The following WHAMM variants were observed in gnomAD, a reference collection of about 807,000 sequenced individuals.
The protein encoded by WHAMM is WASP homolog associated with actin, golgi membranes and microtubules.
Under a neutral mutation model 76.5 loss-of-function variants are expected in WHAMM, and 67 were observed. That is an observed-to-expected ratio of 0.88 (90% CI 0.72 to 1.07). WHAMM has a LOEUF of 1.07. Ranked by LOEUF, WHAMM falls within the 50% of genes least tolerant of loss-of-function variation. The pLI is 0.00. For missense variants in WHAMM, 1,021 were observed against 1,051.1 expected, an observed-to-expected ratio of 0.97 and a Z score of 0.40; for synonymous variants, 419 against 422.1, an observed-to-expected ratio of 0.99 and a Z score of 0.09.
At chr15:82,819,202 C>T in intron 4 of WHAMM, 121 bp from the exon 5 acceptor site, 4 of 351,570 alleles carry the variant, frequency 1.1e-5, no homozygotes, top group African/African-American at 2.1e-5. Context: ...TGTTTCTTTC[C>T]TATTTGCTTT....
At position 82,810,260 on chromosome 15, in the gene WHAMM, C is replaced by G. The variant is rs1390356321; in HGVS notation, c.534C>G (p.Asp178Glu). The change falls in exon 1 of 10, where the codon GAC (aspartate) becomes GAG (glutamate). Residue 178 changes from aspartate (D) to glutamate (E), a missense_variant. By Grantham distance (45) the Asp-to-Glu change is conservative (BLOSUM62 2). This residue lies in a region of WHAMM where 501 missense variants were observed against 524.9 expected (regional missense o/e 0.95). Transcript: ENST00000286760. ...ALFPAEGGAA[D>E]CESPREFRER... is the part of the protein sequence containing the mutation. ...TCCCGGCTGAGGGCGGCGCGGCCGA[C>G]TGCGAAAGCCCGCGCGAGTTCCGGG... is the stretch of plus-strand genomic sequence containing the variant. 4 of 1,382,618 alleles carry G rather than the reference C, an allele frequency of 2.9e-6. No homozygotes were observed. The South Asian group carries it at 4.7e-5, about 16-fold the overall frequency. The allele number at this position is 1,382,618 out of a possible 1,614,324, so 85.6% of individuals were successfully genotyped here. A position where few individuals can be genotyped will look rare whatever the true frequency, so the allele number is the denominator to read the frequency against.
chr15:82,833,323 C>G lies in WHAMM; in HGVS notation c.2217C>G (p.Ile739Met). 6.2e-7 allele frequency: 1 copy of G among 1,614,014 alleles called. No homozygotes were observed. The highest frequency in any genetic ancestry group is 8.5e-7 in the Non-Finnish European group (1 of 1,179,866). Reference protein sequence around the residue: ...VPAVRPPHASINEHILAAIRQ... With the variant: ...VPAVRPPHASMNEHILAAIRQ... ...CGGTGCGCCCTCCCCACGCCTCAAT[C>G]AATGAGCACATTCTGGCTGCCATAA... is the stretch of plus-strand genomic sequence containing the variant. The change falls in exon 10 of 10, where the codon ATC becomes ATG. Residue 739 changes from isoleucine to methionine, a missense_variant. Transcript: ENST00000286760.
chr15:82,830,705 TGTCA>T lies in WHAMM; in HGVS notation c.1751_1754del (p.Ser584Ter), dbSNP rs2051012798. On this transcript the variant is annotated frameshift_variant, in exon 9 of 10. Coordinates refer to ENST00000286760, the MANE Select transcript of WHAMM (RefSeq NM_001080435.3). LOFTEE classifies it high-confidence loss of function. ...ATGTGCTTGCCAGCTTCCCACGCGG[TGTCA>T]GTAATTCACCCGTCCTCTAGGAAAA... 1 of 1,613,884 alleles carries T rather than the reference TGTCA, an allele frequency of 6.2e-7. No individual in the cohort carries two copies. Among genetic ancestry groups the T allele is most frequent in the South Asian group, 1.1e-5 (1 of 91,086 alleles).
chr15:82,816,551 G>A (rs2050729671), intron 2 of WHAMM, 141 bp from the exon 3 acceptor site: 1 of 766,424 alleles, frequency 1.3e-6, no homozygotes, highest in Non-Finnish European at 2.1e-6. Context: ...ACGCAGTAAG[G>A]GACTGCTGAA....
intron 2 of WHAMM, among the ~76,000 whole-genome samples, chr15:82,815,084 G>T (rs1216794948): frequency 7.9e-6 from 1 of 126,192 alleles, no homozygotes; most frequent in Non-Finnish European, 1.6e-5. Flanking sequence ...TTTCATAAAA[G>T]GTGTTTTAAG....
At chr15:82,831,976 G>T (rs1200311158) in intron 9 of WHAMM, among the ~76,000 whole-genome samples, 1 of 152,214 alleles carries the variant, frequency 6.6e-6, no homozygotes, top group African/African-American at 2.4e-5. Context: ...GAGCTTCACT[G>T]TACCTAGAAC....
chr15:82,825,845 A>G (rs1326072513), intron 6 of WHAMM, among the ~76,000 whole-genome samples: 1 of 152,150 alleles, frequency 6.6e-6, no homozygotes, highest in Non-Finnish European at 1.5e-5. Flanking sequence ...AGGATAAAGT[A>G]TCATAAGGCA....
chr15:82,822,159 A>T (rs1447077103), intron 5 of WHAMM, among the ~76,000 whole-genome samples: 2 of 152,080 alleles, frequency 1.3e-5, no homozygotes, highest in Non-Finnish European at 1.5e-5. Context: ...GCATGGCTTT[A>T]AAAAAAATCA....
chr15:82,821,877 A>C (rs2050834684), intron 5 of WHAMM, among the ~76,000 whole-genome samples: 1 of 152,108 alleles, frequency 6.6e-6, no homozygotes, highest in African/African-American at 2.4e-5. Flanking sequence ...TTTTTTCCTA[A>C]AGTTCCTCCA....
intron 9 of WHAMM, among the ~76,000 whole-genome samples, chr15:82,831,364 C>T (rs979182368): frequency 5.9e-5 from 9 of 152,154 alleles, no homozygotes; most frequent in African/African-American, 2.2e-4. Flanking sequence ...AAGTATCAAC[C>T]TATTTGAAGT....
rs147529123 is a variant in WHAMM at position 82,826,774 on chromosome 15, G to A, written c.1569G>A (p.Glu523=). The A allele has an allele frequency of 1.3e-6, 2 of 1,547,444 alleles. No individual in the cohort carries two copies. The highest frequency in any genetic ancestry group is 2.4e-5 in the East Asian group (1 of 40,900). ...AGAAAAGAGACAAGATAAAAGAAGA[G>A]GAGCAAAAGAAAAAAGAATGGATCA... ...IQMKRDKIKE[E]EQKKKEWINQ... Residue 523 remains glutamate, a synonymous_variant, in exon 8 of 10, where the codon GAG becomes GAA. Coordinates refer to ENST00000286760, the MANE Select transcript of WHAMM (RefSeq NM_001080435.3).
intron 6 of WHAMM, among the ~76,000 whole-genome samples, chr15:82,823,497 T>G (rs2050873381): frequency 6.6e-6 from 1 of 152,196 alleles, no homozygotes; most frequent in Non-Finnish European, 1.5e-5. Context: ...TTAGCAAATC[T>G]CAAGGTTTTA....
At chr15:82,831,408 C>T (rs895953852) in intron 9 of WHAMM, among the ~76,000 whole-genome samples, 1 of 152,116 alleles carries the variant, frequency 6.6e-6, no homozygotes, top group Non-Finnish European at 1.5e-5. Context: ...TGATTTCTGC[C>T]GTTGGAATAC....
intron 2 of WHAMM, among the ~76,000 whole-genome samples, chr15:82,815,155 A>ATATATATATATATT (rs55807384): frequency 6.5e-5 from 3 of 46,136 alleles, no homozygotes; most frequent in African/African-American, 1.8e-4. Flanking sequence ...ATATATATAT[A>ATATATATATATATT]GTACAATTCA....
chr15:82,823,533 T>G (rs190990517), intron 6 of WHAMM, among the ~76,000 whole-genome samples: 20 of 152,298 alleles, frequency 1.3e-4, no homozygotes, highest in African/African-American at 4.8e-4. Flanking sequence ...AACTATTTGT[T>G]GAATGCCCAT....
chr15:82,809,843 C>A lies in WHAMM; in HGVS notation c.117C>A (p.Gly39=). The change falls in exon 1 of 10, where the codon GGC becomes GGA. Residue 39 remains glycine, a synonymous_variant. Coordinates refer to ENST00000286760, the MANE Select transcript of WHAMM (RefSeq NM_001080435.3). ...RFLVAWNGAE[G]KFAVTCHDRT... Reference sequence around the variant, plus strand: ...TGGTGGCCTGGAACGGCGCGGAGGGCAAGTTCGCTGTGACTTGTCACGACC... The same window carrying A: ...TGGTGGCCTGGAACGGCGCGGAGGGAAAGTTCGCTGTGACTTGTCACGACC... The A allele has an allele frequency of 6.2e-7, 1 of 1,605,158 alleles. No individual in the cohort carries two copies. Among genetic ancestry groups the A allele is most frequent in the South Asian group, 1.1e-5 (1 of 90,270 alleles).
chr15:82,833,573 T>G lies in WHAMM; in HGVS notation c.*37T>G. On this transcript the variant is annotated 3_prime_UTR_variant, in exon 10 of 10. Coordinates refer to ENST00000286760, the MANE Select transcript of WHAMM (RefSeq NM_001080435.3). ...ACAAAGGCACCTGCCACAGTAGGCT[T>G]GAATAAAGTGGGTGAGTCTTAGACC... The G allele has an allele frequency of 6.2e-7, 1 of 1,601,800 alleles. No individual in the cohort carries two copies. Among genetic ancestry groups the G allele is most frequent in the South Asian group, 1.1e-5 (1 of 89,822 alleles).
At chr15:82,826,019 A>G (rs1473242377) in intron 6 of WHAMM, among the ~76,000 whole-genome samples, 1 of 152,200 alleles carries the variant, frequency 6.6e-6, no homozygotes, top group Non-Finnish European at 1.5e-5. Context: ...CTAATTTTTC[A>G]GGTATTTGTA....
Position 82,813,741 on chromosome 15 carries a change from A to G in WHAMM, c.783+465A>G, listed in dbSNP as rs373577150. Reference sequence around the variant, plus strand: ...AGTGGCATGATCTTGGCTCACTGCAACCTCCTCCAGGTTCAAGCGACTCTT... The same window carrying G: ...AGTGGCATGATCTTGGCTCACTGCAGCCTCCTCCAGGTTCAAGCGACTCTT... On this transcript the variant is annotated intron_variant, in intron 2 of 9. Transcript: ENST00000286760. 2.0e-4 allele frequency among the ~76,000 whole-genome samples: 27 copies of G among 134,752 alleles called. No homozygotes were observed. In the South Asian group the frequency reaches 2.5e-3, roughly 13 times the overall value. 88.4% of individuals were successfully genotyped at this position (134,752 alleles called of 152,430 possible). A position where few individuals can be genotyped will look rare whatever the true frequency, so the allele number is the denominator to read the frequency against.
Sources: gnomAD v4.1 joint callset for allele counts (sites outside exome capture counted in the v4.1 genomes callset) on GRCh38, gnomAD v4.1.1 for gene constraint, gnomAD v4.1.1 regional missense constraint, MANE v1.5 for transcripts, NCBI Gene and HGNC (gene_info 2026-07-23, HGNC 2026-07-21) for gene names.